The following COP1 variants were observed in gnomAD, a reference collection of about 807,000 sequenced individuals.
COP1 encodes the protein E3 ubiquitin-protein ligase COP1.
A neutral mutation model predicts 101.3 loss-of-function variants in COP1; 24 were observed. That is an observed-to-expected ratio of 0.24 (90% confidence interval 0.17 to 0.33). The LOEUF (loss-of-function observed/expected upper bound fraction) is 0.33. COP1 is among the 10% of genes least tolerant of loss of function. COP1 has a pLI of 1.00. For missense variants in COP1, 663 were observed against 906.2 expected, an observed-to-expected ratio of 0.73 and a Z score of 3.45; for synonymous variants, 347 against 341.9, an observed-to-expected ratio of 1.01 and a Z score of -0.17.
At chr1:176,137,978 A>C (rs950116637) in intron 6 of COP1, among the ~76,000 whole-genome samples, 1 of 152,178 alleles carries the variant, frequency 6.6e-6, no homozygotes, top group Non-Finnish European at 1.5e-5. Flanking sequence ...CATAGCAAGC[A>C]TTATGATGAT....
intron 18 of COP1, among the ~76,000 whole-genome samples, chr1:175,980,960 T>C (rs1428025795): frequency 6.6e-6 from 1 of 152,102 alleles, no homozygotes; most frequent in East Asian, 1.9e-4. Context: ...ATATATTCAT[T>C]TGTATACTTA....
chr1:176,073,384 T>C (rs1677359367), intron 11 of COP1, among the ~76,000 whole-genome samples: 1 of 152,200 alleles, frequency 6.6e-6, no homozygotes, highest in Non-Finnish European at 1.5e-5. Context: ...AAAAACTCTC[T>C]AGAGGTAGAA....
intron 5 of COP1, among the ~76,000 whole-genome samples, chr1:176,162,118 C>A (rs668154): frequency 6.6e-6 from 1 of 152,018 alleles, no homozygotes; most frequent in African/African-American, 2.4e-5. Flanking sequence ...CAACAACATT[C>A]AAATCCCTAT....
chr1:175,954,995 G>C (rs1397768132), intron 18 of COP1, among the ~76,000 whole-genome samples: 1 of 152,106 alleles, frequency 6.6e-6, no homozygotes, highest in African/African-American at 2.4e-5. Context: ...TCATGCCTGT[G>C]ATAGCACTCT....
intron 18 of COP1, among the ~76,000 whole-genome samples, chr1:175,959,036 A>G (rs1403511316): frequency 1.3e-5 from 2 of 152,130 alleles, no homozygotes; most frequent in East Asian, 1.9e-4. Flanking sequence ...GGCCAATGTT[A>G]TTCATAAAGA....
At chr1:175,949,707 G>A (rs1161061207) in intron 18 of COP1, among the ~76,000 whole-genome samples, 1 of 152,178 alleles carries the variant, frequency 6.6e-6, no homozygotes, top group Non-Finnish European at 1.5e-5. Flanking sequence ...ATCATGAACT[G>A]CTCCCTTTGC....
chr1:175,947,233 T>G lies in COP1; in HGVS notation c.2140A>C (p.Asn714His), dbSNP rs976102957. Residue 714 changes from asparagine (N) to histidine (H), a missense_variant, in exon 19 of 20, where the codon AAT (asparagine) becomes CAT (histidine). Coordinates refer to ENST00000367669, the MANE Select transcript of COP1 (RefSeq NM_022457.7). ...CWRALPDGES[N>H]VLIAANSQGT... ...TGACTGTTAGCAGCAATCAGCACAT[T>G]GGACTCCTAGAAAAGAACAAGAGCT... is the stretch of plus-strand genomic sequence containing the variant. 2 of 1,607,504 alleles carry G rather than the reference T, an allele frequency of 1.2e-6. No individual in the cohort carries two copies. The highest frequency in any genetic ancestry group is 1.7e-6 in the Non-Finnish European group (2 of 1,174,106).
At chr1:176,007,760 G>A (rs1267465094) in intron 15 of COP1, among the ~76,000 whole-genome samples, 2 of 152,102 alleles carry the variant, frequency 1.3e-5, no homozygotes, top group African/African-American at 4.8e-5. Context: ...TGTCAGACAG[G>A]GACATTTAAG....
At chr1:176,159,922 T>C (rs971681352) in intron 5 of COP1, among the ~76,000 whole-genome samples, 1 of 152,168 alleles carries the variant, frequency 6.6e-6, no homozygotes, top group Non-Finnish European at 1.5e-5. Flanking sequence ...ATCTTCACAT[T>C]TATTAAAACT....
chr1:176,008,772 G>A (rs1664051716), intron 15 of COP1, among the ~76,000 whole-genome samples: 1 of 152,052 alleles, frequency 6.6e-6, no homozygotes, highest in Non-Finnish European at 1.5e-5. Flanking sequence ...GACTTCCCTG[G>A]GACTAAATCT....
At chr1:175,953,714 T>C (rs754550235) in intron 18 of COP1, among the ~76,000 whole-genome samples, 1 of 151,808 alleles carries the variant, frequency 6.6e-6, no homozygotes, top group Non-Finnish European at 1.5e-5. Context: ...GACAAGAAAT[T>C]TGACCAGCGA....
In COP1 at chr1:176,206,827, C is replaced by A; in HGVS notation, c.152G>T (p.Gly51Val). The A allele has an allele frequency of 7.1e-7, 1 of 1,408,888 alleles. No homozygotes were observed. The allele number at this position is 1,408,888 out of a possible 1,614,324, so 87.3% of individuals were successfully genotyped here. Residue 51 changes from glycine (G) to valine (V), a missense_variant, in exon 1 of 20, where the codon GGG (glycine) becomes GTG (valine). Coordinates refer to ENST00000367669, the MANE Select transcript of COP1 (RefSeq NM_022457.7). The stretch of plus-strand genomic sequence containing the variant: ...GCCCGAGCCGGCGGCCTGGGCCACC[C>A]CGCCGGACACCAGCGCTGCCGCCGA... ...AVSAAALVSGGVAQAAGSGGL... is the reference protein window; with the variant it reads ...AVSAAALVSGVVAQAAGSGGL...
chr1:175,996,706 T>C (rs1310915799), intron 15 of COP1, among the ~76,000 whole-genome samples: 1 of 152,108 alleles, frequency 6.6e-6, no homozygotes, highest in Admixed American at 6.5e-5. Context: ...ATGAAGGACC[T>C]CTTCAAGGAG....
chr1:175,989,439 C>G lies in COP1; in HGVS notation c.1770G>C (p.Gln590His). ...VHYYDLRNTK[Q>H]PIMVFKGHRK... ...GGTGTCCTTTGAATACCATGATTGG[C>G]TGTTTAGTGTTACGAAGATCATAGT... is the stretch of plus-strand genomic sequence containing the variant. Residue 590 changes from glutamine to histidine, a missense_variant, in exon 16 of 20, where the codon CAG becomes CAC. Around this residue, in one of 4 missense-constraint regions of COP1, gnomAD observed 209 missense variants for 383.3 expected, o/e 0.55. Transcript: ENST00000367669. 2 of 1,608,504 alleles carry G rather than the reference C, an allele frequency of 1.2e-6. No individual in the cohort carries two copies. Among genetic ancestry groups the G allele is most frequent in the Non-Finnish European group, 1.7e-6 (2 of 1,174,964 alleles).
At position 176,158,426 on chromosome 1, in the gene COP1, G is replaced by A. The variant is rs533486360; in HGVS notation, c.762+4443C>T. Among the ~76,000 whole-genome samples, 3 of 152,008 alleles carry A rather than the reference G, an allele frequency of 2.0e-5. No individual in the cohort carries two copies. The South Asian group carries it at 6.2e-4, about 31-fold the overall frequency. ...TGAGGCTAAAGGAAAATAACAGATAGAAACCAATCTAGACAAAAGAATAAA... is the reference window on the plus strand; with the variant it reads ...TGAGGCTAAAGGAAAATAACAGATAAAAACCAATCTAGACAAAAGAATAAA... On this transcript the variant is annotated intron_variant, in intron 5 of 19. Transcript: ENST00000367669.
At chr1:176,194,534 A>C (rs1699452121) in intron 1 of COP1, among the ~76,000 whole-genome samples, 1 of 152,272 alleles carries the variant, frequency 6.6e-6, no homozygotes, top group African/African-American at 2.4e-5. Context: ...GCTACTAGGG[A>C]GGCTGAGGCA....
At chr1:176,189,021 G>A (rs1156976535) in intron 1 of COP1, among the ~76,000 whole-genome samples, 3 of 152,056 alleles carry the variant, frequency 2.0e-5, no homozygotes, top group Admixed American at 2.0e-4. Context: ...ACAGATCTAA[G>A]AAACTCAGAA....
chr1:176,136,566 G>T lies in COP1; in HGVS notation c.832-19C>A. On this transcript the variant is annotated intron_variant, in intron 6 of 19. Coordinates refer to ENST00000367669, the MANE Select transcript of COP1 (RefSeq NM_022457.7). ...CCAGTTGCTGCAGATTAAATAGAGA[G>T]AGAAAGACAAAAAAAAAAAAGCCTA... The T allele has an allele frequency of 1.4e-6, 2 of 1,476,296 alleles. No individual in the cohort carries two copies. The highest frequency in any genetic ancestry group is 9.1e-7 in the Non-Finnish European group (1 of 1,098,394). The allele number at this position is 1,476,296 out of a possible 1,614,324, so 91.4% of individuals were successfully genotyped here.
intron 11 of COP1, among the ~76,000 whole-genome samples, chr1:176,065,717 T>G (rs1286643325): frequency 3.3e-5 from 5 of 149,724 alleles, no homozygotes; most frequent in Admixed American, 6.7e-5. Flanking sequence ...TTTTTTTTTT[T>G]TTTTTTTTCA....
Sources: allele counts gnomAD v4.1 joint callset (sites outside exome capture counted in the v4.1 genomes callset), GRCh38; gene constraint gnomAD v4.1.1; regional missense constraint gnomAD v4.1.1; transcripts MANE v1.5; gene names NCBI Gene and HGNC (gene_info 2026-07-23, HGNC 2026-07-21).